Variants in PKP4 observed in about 807,000 individuals in gnomAD.
The protein encoded by PKP4 is plakophilin 4.
A neutral mutation model predicts 145.1 loss-of-function variants in PKP4; 90 were observed. The ratio of observed to expected loss-of-function variants is 0.62; its 90% confidence interval spans 0.52 to 0.74. The LOEUF is 0.74. Ranked by LOEUF, PKP4 falls within the 30% of genes least tolerant of loss-of-function variation. The pLI is 0.00. For missense variants in PKP4, 1,340 were observed against 1,482.7 expected, an observed-to-expected ratio of 0.90 and a Z score of 1.58; for synonymous variants, 563 against 577.2, an observed-to-expected ratio of 0.98 and a Z score of 0.35.
intron 15 of PKP4, chr2:158,666,098 C>T (rs1002375782): frequency 4.0e-5 from 7 of 174,042 alleles, no homozygotes; most frequent in Non-Finnish European, 7.2e-5. Flanking sequence ...AGAAAACACA[C>T]GATCCTTCCT....
At position 158,680,514 on chromosome 2, in the gene PKP4, A is replaced by G. The variant is rs747015206; in HGVS notation, c.3416A>G (p.Tyr1139Cys). ...YRLYLQSPHS[Y>C]EDPYFDDRVH... ...TTGTATTTGCAGTCTCCTCATAGCT[A>G]TGAAGATCCTTATTTTGATGACCGA... is the stretch of plus-strand genomic sequence containing the variant. The change falls in exon 22 of 22, where the codon TAT becomes TGT. Residue 1139 changes from tyrosine to cysteine, a missense_variant. By Grantham distance (194) the Tyr-to-Cys change is radical (BLOSUM62 -2). Coordinates refer to ENST00000389759, the MANE Select transcript of PKP4 (RefSeq NM_003628.6). 5.0e-6 allele frequency: 8 copies of G among 1,614,010 alleles called. No individual in the cohort carries two copies. The South Asian group carries it at 6.6e-5, about 13-fold the overall frequency.
At chr2:158,627,028 T>G (rs3771651) in intron 7 of PKP4, among the ~76,000 whole-genome samples, 12,563 of 152,176 alleles carry the variant, frequency 0.083, 596 homozygotes, top group Admixed American at 0.12. Flanking sequence ...TTTTTGAGAT[T>G]TTTGTGATTG....
intron 19 of PKP4, among the ~76,000 whole-genome samples, chr2:158,674,568 C>G (rs1272644108): frequency 6.6e-6 from 1 of 152,212 alleles, no homozygotes; most frequent in African/African-American, 2.4e-5. Context: ...GCAGGCCTTA[C>G]AGTGTGGGTC....
intron 1 of PKP4, among the ~76,000 whole-genome samples, chr2:158,500,817 A>G (rs191843449): frequency 6.6e-5 from 10 of 152,188 alleles, no homozygotes; most frequent in Non-Finnish European, 1.3e-4. Context: ...AGCTCCTATG[A>G]CAGTTTTGCC....
intron 19 of PKP4, among the ~76,000 whole-genome samples, chr2:158,675,590 T>C (rs915133342): frequency 6.6e-6 from 1 of 152,224 alleles, no homozygotes; most frequent in Non-Finnish European, 1.5e-5. Flanking sequence ...TCTCCAGTTA[T>C]TCTAAGGGCT....
rs373426926 is a variant in PKP4 at position 158,514,384 on chromosome 2, T to C, written c.-5-18796T>C. On this transcript the variant is annotated intron_variant, in intron 1 of 21. Transcript: ENST00000389759. The stretch of plus-strand genomic sequence containing the variant: ...TCTAGAAACTTTATAGTGGTTGTTA[T>C]TTTTTCTTGTACTTTCTTCAAAAAG... Among the ~76,000 whole-genome samples, 25 of 152,368 alleles carry C rather than the reference T, an allele frequency of 1.6e-4. No individual in the cohort carries two copies. The East Asian group carries it at 2.5e-3, about 15-fold the overall frequency.
At chr2:158,483,595 A>G (rs886842144) in intron 1 of PKP4, among the ~76,000 whole-genome samples, 1 of 152,136 alleles carries the variant, frequency 6.6e-6, no homozygotes, top group African/African-American at 2.4e-5. Context: ...CTTTTTGTGT[A>G]TTAAATGGTG....
chr2:158,582,869 A>G (rs544063302), intron 3 of PKP4, among the ~76,000 whole-genome samples: 2 of 152,308 alleles, frequency 1.3e-5, no homozygotes, highest in South Asian at 4.1e-4. Flanking sequence ...ATGTAGATGG[A>G]TGAATCAATT....
chr2:158,673,821 A>G, intron 18 of PKP4, 60 bp downstream of exon 18: 14 of 1,457,724 alleles, frequency 9.6e-6, no homozygotes, highest in Admixed American at 1.7e-5. Context: ...ACTCATAATC[A>G]TTTATTGTAA....
chr2:158,582,907 A>C (rs926528188), intron 3 of PKP4, among the ~76,000 whole-genome samples: 2 of 152,224 alleles, frequency 1.3e-5, no homozygotes, highest in East Asian at 3.9e-4. Flanking sequence ...GCAGCCTACC[A>C]TGACTATTTC....
intron 2 of PKP4, among the ~76,000 whole-genome samples, chr2:158,560,383 A>C (rs1340446942): frequency 6.6e-6 from 1 of 151,234 alleles, no homozygotes; most frequent in African/African-American, 2.4e-5. Flanking sequence ...ATTTTATGTA[A>C]AAAAAAAATG....
At chr2:158,533,372 T>C in intron 2 of PKP4, 56 bp downstream of exon 2, 1 of 1,589,204 alleles carries the variant, frequency 6.3e-7, no homozygotes, top group Non-Finnish European at 8.6e-7. Context: ...CTTTAAAAAA[T>C]TAATCTTTGG....
chr2:158,522,210 T>C (rs907310520), intron 1 of PKP4, among the ~76,000 whole-genome samples: 12 of 152,152 alleles, frequency 7.9e-5, no homozygotes, highest in Non-Finnish European at 1.6e-4. Flanking sequence ...TAGAGAAAAA[T>C]CCAGTATTTA....
In PKP4 at chr2:158,669,908, G is replaced by A. The variant is rs878863919; in HGVS notation, c.2917G>A (p.Gly973Ser). Reference protein sequence around the residue: ...EKLVNITKGRGDRSSLKVVKA... With the variant: ...EKLVNITKGRSDRSSLKVVKA... ...GCTGGTGAACATAACCAAAGGCAGG[G>A]GCGACAGGCAAGTCTGCGGCAAGGA... Residue 973 changes from glycine (G) to serine (S), a missense_variant, in exon 17 of 22, where the codon GGC (glycine) becomes AGC (serine). Physicochemically the swap from Gly to Ser is moderately conservative, Grantham distance 56. Coordinates refer to ENST00000389759, the MANE Select transcript of PKP4 (RefSeq NM_003628.6). The A allele has an allele frequency of 6.2e-7, 1 of 1,609,694 alleles. No homozygotes were observed. Among genetic ancestry groups the A allele is most frequent in the Non-Finnish European group, 8.5e-7 (1 of 1,177,136 alleles).
At chr2:158,518,222 G>A (rs2042083411) in intron 1 of PKP4, among the ~76,000 whole-genome samples, 1 of 152,208 alleles carries the variant, frequency 6.6e-6, no homozygotes, top group South Asian at 2.1e-4. Flanking sequence ...TGGCTCGAAT[G>A]GCTGTGATTG....
At chr2:158,499,002 C>T (rs1409052833) in intron 1 of PKP4, among the ~76,000 whole-genome samples, 1 of 152,094 alleles carries the variant, frequency 6.6e-6, no homozygotes, top group Non-Finnish European at 1.5e-5. Flanking sequence ...TGCATTAGCT[C>T]AGTGCTCCTG....
intron 1 of PKP4, among the ~76,000 whole-genome samples, chr2:158,502,258 A>G (rs1014291484): frequency 1.8e-4 from 27 of 152,270 alleles, no homozygotes; most frequent in African/African-American, 6.3e-4. Flanking sequence ...TCCTGGAAAT[A>G]AAGCACTGGA....
At chr2:158,592,240 G>A (rs1409007839) in intron 3 of PKP4, among the ~76,000 whole-genome samples, 1 of 152,002 alleles carries the variant, frequency 6.6e-6, no homozygotes, top group Non-Finnish European at 1.5e-5. Context: ...GGATGAATTA[G>A]GGATCCATGA....
chr2:158,561,839 G>A (rs2046550172), intron 2 of PKP4, among the ~76,000 whole-genome samples: 1 of 150,032 alleles, frequency 6.7e-6, no homozygotes, highest in South Asian at 2.1e-4. Context: ...TGCACAACAT[G>A]CTGGTTTGTT....
Sources: gnomAD v4.1 joint callset for allele counts (sites outside exome capture counted in the v4.1 genomes callset) on GRCh38, gnomAD v4.1.1 for gene constraint, MANE v1.5 for transcripts, NCBI Gene and HGNC (gene_info 2026-07-23, HGNC 2026-07-21) for gene names.